Variants in CELSR1 observed in about 807,000 individuals in gnomAD.
CELSR1 encodes the protein adhesion G protein-coupled receptor C1.
Under a neutral mutation model 249.1 loss-of-function variants are expected in CELSR1, and 110 were observed. The observed-to-expected ratio is 0.44, with a 90% CI of 0.38 to 0.52. The LOEUF is 0.52. Ranked by LOEUF, CELSR1 falls within the 20% of genes least tolerant of loss-of-function variation. The pLI, the probability that CELSR1 is intolerant of heterozygous loss-of-function variation, is 0.00. For missense variants in CELSR1, 4,109 were observed against 4,296.4 expected, an observed-to-expected ratio of 0.96 and a Z score of 1.22; for synonymous variants, 2,113 against 1,900.0, an observed-to-expected ratio of 1.11 and a Z score of -2.92.
Position 46,527,086 on chromosome 22 carries a change from G to A in CELSR1, c.3544+6541C>T, listed in dbSNP as rs1010425658. ...GCCATCACAAGCTGGTGCCCTGGGA[G>A]CCCTGTCCTTGGTTTGCTCATCTCT... On this transcript the variant is annotated intron_variant, in intron 1 of 34. Transcript: ENST00000674500. The surrounding 1 kb of genome is among the most constrained non-coding windows in gnomAD (Gnocchi z 5.5). Among the ~76,000 whole-genome samples, 5 of 152,180 alleles carry A rather than the reference G, an allele frequency of 3.3e-5. No individual in the cohort carries two copies. The highest frequency in any genetic ancestry group is 4.8e-5 in the African/African-American group (2 of 41,440).
rs552083893 is a variant in CELSR1 at position 46,468,865 on chromosome 22, A to G, written c.3545-4520T>C. Among the ~76,000 whole-genome samples the G allele has an allele frequency of 3.0e-4, 46 of 152,300 alleles. No homozygotes were observed. The highest frequency in any genetic ancestry group is 2.9e-4 in the Non-Finnish European group (20 of 68,038). On this transcript the variant is annotated intron_variant, in intron 1 of 34. Transcript: ENST00000674500. This position sits in a 1 kb window ranked among gnomAD's most constrained non-coding sequence, Gnocchi z 4.5. ...CCGAGGCGGCAGATCACCTGAGGTC[A>G]GGAGTTCGAGACCAGCATGGCCAAC...
chr22:46,379,402 A>G (rs2078953174), intron 22 of CELSR1, among the ~76,000 whole-genome samples: 1 of 152,222 alleles, frequency 6.6e-6, no homozygotes, highest in Non-Finnish European at 1.5e-5. Flanking sequence ...ATGGGATGTT[A>G]GCATTAATAT....
At position 46,535,918 on chromosome 22, in the gene CELSR1, T is replaced by C. The variant is rs1382714662; in HGVS notation, c.1253A>G (p.Glu418Gly). Reference sequence around the variant, plus strand: ...CAGGAGCTGGTACTCGGCCGCCTCCTCCCGGTCCAGCACCGCCCGTGTGCT... The same window carrying C: ...CAGGAGCTGGTACTCGGCCGCCTCCCCCCGGTCCAGCACCGCCCGTGTGCT... ...VVSTRAVLDREEAAEYQLLVE... is the reference protein window; with the variant it reads ...VVSTRAVLDRGEAAEYQLLVE... The change falls in exon 1 of 35, where the codon GAG becomes GGG. Residue 418 changes from glutamate to glycine, a missense_variant. Physicochemically the swap from Glu to Gly is moderately conservative, Grantham distance 98 (BLOSUM62 -2). Coordinates refer to ENST00000674500, the MANE Select transcript of CELSR1 (RefSeq NM_001378328.1). The C allele has an allele frequency of 6.2e-7, 1 of 1,608,660 alleles. No homozygotes were observed. Among genetic ancestry groups the C allele is most frequent in the Non-Finnish European group, 8.5e-7 (1 of 1,179,514 alleles).
rs924094695 is a variant in CELSR1, at chr22:46,411,970, G to A, written c.4612-211C>T. On this transcript the variant is annotated intron_variant, in intron 5 of 34. Coordinates refer to ENST00000674500, the MANE Select transcript of CELSR1 (RefSeq NM_001378328.1). This position sits in a 1 kb window ranked among gnomAD's most constrained non-coding sequence, Gnocchi z 4.2. ...GTTCTGCTTCCCAGAATCTCAGAAC[G>A]TGGCCTGGTCTGGACAAAGAGCTGG... Among the ~76,000 whole-genome samples, 12 of 152,356 alleles carry A rather than the reference G, an allele frequency of 7.9e-5. No individual in the cohort carries two copies. Among genetic ancestry groups the A allele is most frequent in the African/African-American group, 1.2e-4 (5 of 41,592 alleles).
At position 46,363,521 on chromosome 22, in the gene CELSR1, G is replaced by A. The variant is rs1343576886; in HGVS notation, c.9036-274C>T. ...ACCGGCCATCTCTACAGTGACTTTT[G>A]GAAGGGGCATTCTGAAGACCTGGCT... is the stretch of plus-strand genomic sequence containing the variant. On this transcript the variant is annotated intron_variant, in intron 34 of 34. Transcript: ENST00000674500. This position sits in a 1 kb window ranked among gnomAD's most constrained non-coding sequence, Gnocchi z 4.3. 1 of 392,196 alleles carries A rather than the reference G, an allele frequency of 2.5e-6. No individual in the cohort carries two copies. The highest frequency in any genetic ancestry group is 2.0e-5 in the African/African-American group (1 of 49,416). The allele number at this position is 392,196 out of a possible 1,614,324, so 24.3% of individuals were successfully genotyped here.
At position 46,509,711 on chromosome 22, in the gene CELSR1, C is replaced by A. The variant is rs3788724; in HGVS notation, c.3544+23916G>T. On this transcript the variant is annotated intron_variant, in intron 1 of 34. Transcript: ENST00000674500. ...AGTAGTGAGTACGGGAGTGAGGTGG[C>A]GGGGTCTGTGGGGCTCCTGAGGATG... Among the ~76,000 whole-genome samples, 1,323 of 151,948 alleles carry A rather than the reference C, an allele frequency of 8.7e-3. 56 individuals carry two copies. Among genetic ancestry groups the A allele is most frequent in the East Asian group, 0.078 (401 of 5,154 alleles).
chr22:46,392,457 C>T (rs916890874), intron 14 of CELSR1, among the ~76,000 whole-genome samples: 6 of 152,242 alleles, frequency 3.9e-5, no homozygotes, highest in South Asian at 2.1e-4. Flanking sequence ...TGACAGTGAA[C>T]GACAGGCCCA....
In CELSR1 at chr22:46,429,583, G is replaced by T. The variant is rs138397053; in HGVS notation, c.4611+3810C>A. Among the ~76,000 whole-genome samples the T allele has an allele frequency of 6.6e-6, 1 of 152,220 alleles. No individual in the cohort carries two copies. The highest frequency in any genetic ancestry group is 1.5e-5 in the Non-Finnish European group (1 of 68,046). ...GTGAATTAGACCAATAAACCTTCTC[G>T]TCTAAAATGTCATCAGGCAGAAAGG... On this transcript the variant is annotated intron_variant, in intron 5 of 34. Coordinates refer to ENST00000674500, the MANE Select transcript of CELSR1 (RefSeq NM_001378328.1). This position sits in a 1 kb window ranked among gnomAD's most constrained non-coding sequence, Gnocchi z 4.1.
intron 27 of CELSR1, among the ~76,000 whole-genome samples, chr22:46,368,406 C>A (rs1332825912): frequency 1.3e-5 from 2 of 152,026 alleles, no homozygotes; most frequent in Non-Finnish European, 2.9e-5. Context: ...CCCCAGACCC[C>A]CCGTGCACCC....
rs1334097253 is a variant in CELSR1 at position 46,423,919 on chromosome 22, T to G, written c.4611+9474A>C. Among the ~76,000 whole-genome samples the G allele has an allele frequency of 1.3e-5, 2 of 152,056 alleles. No homozygotes were observed. Among genetic ancestry groups the G allele is most frequent in the South Asian group, 4.1e-4 (2 of 4,824 alleles). On this transcript the variant is annotated intron_variant, in intron 5 of 34. Coordinates refer to ENST00000674500, the MANE Select transcript of CELSR1 (RefSeq NM_001378328.1). The surrounding 1 kb of genome is among the most constrained non-coding windows in gnomAD (Gnocchi z 5.6). ...TGAACTCAGGAGGCGGAGGTTGCAG[T>G]GAGCCGAGATTGTGCCAGCCTGGGT...
Position 46,436,880 on chromosome 22 carries a change from C to T in CELSR1, c.4407-591G>A, listed in dbSNP as rs1053922381. On this transcript the variant is annotated intron_variant, in intron 3 of 34. Coordinates refer to ENST00000674500, the MANE Select transcript of CELSR1 (RefSeq NM_001378328.1). The surrounding 1 kb of genome is among the most constrained non-coding windows in gnomAD (Gnocchi z 5.9). ...CAGGGGTCAACCCAGCTGTACTTGC[C>T]CTGACTCATTGTACTCTACCTTGCC... 2.6e-4 allele frequency among the ~76,000 whole-genome samples: 39 copies of T among 152,234 alleles called. No homozygotes were observed. Among genetic ancestry groups the T allele is most frequent in the African/African-American group, 8.2e-4 (34 of 41,518 alleles).
Position 46,401,771 on chromosome 22 carries a change from G to A in CELSR1, c.5227-1869C>T, listed in dbSNP as rs143566144. 6.6e-6 allele frequency among the ~76,000 whole-genome samples: 1 copy of A among 152,202 alleles called. No homozygotes were observed. The highest frequency in any genetic ancestry group is 1.5e-5 in the Non-Finnish European group (1 of 68,044). The stretch of plus-strand genomic sequence containing the variant: ...TTACACTAACGATAAAAACGAAAAA[G>A]AGCCACCTTTGCAGGACTGGAAGCC... On this transcript the variant is annotated intron_variant, in intron 9 of 34. Transcript: ENST00000674500. The surrounding 1 kb of genome is among the most constrained non-coding windows in gnomAD (Gnocchi z 4.7).
At chr22:46,404,305 G>T (rs573314337) in intron 9 of CELSR1, among the ~76,000 whole-genome samples, 3 of 151,702 alleles carry the variant, frequency 2.0e-5, no homozygotes, top group African/African-American at 7.3e-5. Context: ...TCAGCTACTC[G>T]GGAGGCTGAG....
Position 46,446,616 on chromosome 22 carries a change from G to A in CELSR1, c.4184-7205C>T, listed in dbSNP as rs921009519. Reference sequence around the variant, plus strand: ...AGGGAGGGTCGCAGGGGGTCGGTGGGGGGGAAAGCTGGGTCCATAGCAGGT... The same window carrying A: ...AGGGAGGGTCGCAGGGGGTCGGTGGAGGGGAAAGCTGGGTCCATAGCAGGT... On this transcript the variant is annotated intron_variant, in intron 2 of 34. Coordinates refer to ENST00000674500, the MANE Select transcript of CELSR1 (RefSeq NM_001378328.1). The surrounding 1 kb of genome is among the most constrained non-coding windows in gnomAD (Gnocchi z 5.5). Among the ~76,000 whole-genome samples the A allele has an allele frequency of 3.9e-5, 6 of 152,182 alleles. No individual in the cohort carries two copies. Among genetic ancestry groups the A allele is most frequent in the Admixed American group, 1.3e-4 (2 of 15,302 alleles).
At position 46,468,154 on chromosome 22, in the gene CELSR1, G is replaced by A. The variant is rs377519265; in HGVS notation, c.3545-3809C>T. On this transcript the variant is annotated intron_variant, in intron 1 of 34. Transcript: ENST00000674500. The surrounding 1 kb of genome is among the most constrained non-coding windows in gnomAD (Gnocchi z 4.5). ...TGTAATCACAGCACTTTGGGAGGCC[G>A]AGGTGGGTGGATCACGACGTCAGGA... is the stretch of plus-strand genomic sequence containing the variant. 2.5e-4 allele frequency among the ~76,000 whole-genome samples: 38 copies of A among 152,048 alleles called. No homozygotes were observed. In the East Asian group the frequency reaches 2.5e-3, roughly 10 times the overall value.
intron 19 of CELSR1, 91 bp from the exon 20 acceptor site, chr22:46,384,777 G>T: frequency 7.5e-7 from 1 of 1,332,990 alleles, no homozygotes; most frequent in Non-Finnish European, 1.0e-6. Flanking sequence ...TCACACTGAC[G>T]CTGGCTGGCC....
In CELSR1 at chr22:46,471,193, C is replaced by T. The variant is rs1602182888; in HGVS notation, c.3545-6848G>A. ...AAACAAAACAAAAAAAATGTTTCTA[C>T]ATGAGCCCAGAGAGCTATCGGCACT... On this transcript the variant is annotated intron_variant, in intron 1 of 34. Transcript: ENST00000674500. This position sits in a 1 kb window ranked among gnomAD's most constrained non-coding sequence, Gnocchi z 4.9. 6.6e-6 allele frequency among the ~76,000 whole-genome samples: 1 copy of T among 152,164 alleles called. No individual in the cohort carries two copies. The highest frequency in any genetic ancestry group is 2.4e-5 in the African/African-American group (1 of 41,430).
chr22:46,491,922 C>A (rs1293409745), intron 1 of CELSR1, among the ~76,000 whole-genome samples: 1 of 152,220 alleles, frequency 6.6e-6, no homozygotes, highest in Non-Finnish European at 1.5e-5. Flanking sequence ...TAGGCATGAG[C>A]CACGATGTCG....
In CELSR1 at chr22:46,364,263, A is replaced by T; in HGVS notation, c.8780-12T>A. The stretch of plus-strand genomic sequence containing the variant: ...ATTTTTCAAGATGCCTGGGAGGAGG[A>T]GACACGGCAAGGTCAAGTCCGGGTG... On this transcript the variant is annotated splice_polypyrimidine_tract_variant and intron_variant, in intron 33 of 34. Coordinates refer to ENST00000674500, the MANE Select transcript of CELSR1 (RefSeq NM_001378328.1). The T allele has an allele frequency of 6.2e-7, 1 of 1,605,272 alleles. No individual in the cohort carries two copies. The highest frequency in any genetic ancestry group is 8.5e-7 in the Non-Finnish European group (1 of 1,179,218).
Sources: gnomAD v4.1 joint callset for allele counts (sites outside exome capture counted in the v4.1 genomes callset) on GRCh38, gnomAD v4.1.1 for gene constraint, Gnocchi (gnomAD v3.1) non-coding constraint, MANE v1.5 for transcripts, NCBI Gene and HGNC (gene_info 2026-07-23, HGNC 2026-07-21) for gene names.